Variants in PCDH9 observed in about 807,000 individuals in gnomAD.
The protein encoded by PCDH9 is protocadherin-9.
PCDH9 carries 24 observed loss-of-function variants against 70.6 expected under a neutral mutation model. The ratio of observed to expected loss-of-function variants is 0.34; its 90% confidence interval spans 0.25 to 0.48. PCDH9 has a LOEUF of 0.48. Ranked by LOEUF, PCDH9 falls within the 20% of genes least tolerant of loss-of-function variation. The pLI, the probability that PCDH9 is intolerant of heterozygous loss-of-function variation, is 0.99. For missense variants in PCDH9, 1,281 were observed against 1,503.6 expected (o/e 0.85, Z 2.45); for synonymous variants, 562 against 558.5 (o/e 1.01, Z -0.09).
At chr13:66,908,526 A>C (rs1424480594) in intron 2 of PCDH9, among the ~76,000 whole-genome samples, 1 of 152,222 alleles carries the variant, frequency 6.6e-6, no homozygotes, top group Admixed American at 6.5e-5. Flanking sequence ...TAAGATAAGA[A>C]AAGATCTCTT....
At chr13:66,848,671 G>C (rs2081254577) in intron 3 of PCDH9, among the ~76,000 whole-genome samples, 1 of 152,070 alleles carries the variant, frequency 6.6e-6, no homozygotes, top group African/African-American at 2.4e-5. Context: ...GCTTACACCT[G>C]TAATCCCAGC....
chr13:66,825,477 C>T (rs1677162501), intron 3 of PCDH9, among the ~76,000 whole-genome samples: 1 of 149,714 alleles, frequency 6.7e-6, no homozygotes, highest in African/African-American at 2.5e-5. Context: ...GCTGGGACTA[C>T]AGGCGCGCGC....
chr13:66,994,630 G>A (rs752098758), intron 2 of PCDH9, among the ~76,000 whole-genome samples: 1 of 152,226 alleles, frequency 6.6e-6, no homozygotes, highest in Admixed American at 6.5e-5. Flanking sequence ...AAATAGAGCT[G>A]AGCCTGTCCA....
intron 3 of PCDH9, among the ~76,000 whole-genome samples, chr13:66,659,267 C>A (rs2077973764): frequency 6.6e-6 from 1 of 152,178 alleles, no homozygotes; most frequent in Non-Finnish European, 1.5e-5. Context: ...AAATGTATCC[C>A]TAGCCTTAGA....
At chr13:66,596,483 T>A (rs1241976073) in intron 4 of PCDH9, among the ~76,000 whole-genome samples, 1 of 151,200 alleles carries the variant, frequency 6.6e-6, no homozygotes, top group Non-Finnish European at 1.5e-5. Context: ...CACCCATATA[T>A]GTGTAAATTT....
intron 4 of PCDH9, among the ~76,000 whole-genome samples, chr13:66,558,450 AG>A (rs1472517290): frequency 6.6e-5 from 10 of 151,986 alleles, no homozygotes; most frequent in African/African-American, 2.4e-4. Flanking sequence ...ATTTTTCTGA[AG>A]TCATTTTGCT....
chr13:67,062,088 C>T (rs1566398276), intron 2 of PCDH9, among the ~76,000 whole-genome samples: 2 of 152,112 alleles, frequency 1.3e-5, no homozygotes, highest in South Asian at 2.1e-4. Flanking sequence ...AGGCATGGGC[C>T]GAAGAAGTGC....
intron 2 of PCDH9, chr13:67,212,916 A>G (rs1395626433): frequency 1.3e-5 from 2 of 152,160 alleles, no homozygotes; most frequent in African/African-American, 2.4e-5. Flanking sequence ...TTACCTCTCC[A>G]TTATAAAAGC....
At chr13:66,517,245 T>C (rs543200199) in intron 4 of PCDH9, among the ~76,000 whole-genome samples, 1 of 152,304 alleles carries the variant, frequency 6.6e-6, no homozygotes, top group East Asian at 1.9e-4. Flanking sequence ...TTTGTCATTG[T>C]TCCAGGGACA....
At chr13:66,782,698 T>G (rs939469806) in intron 3 of PCDH9, 4 of 152,180 alleles carry the variant, frequency 2.6e-5, no homozygotes, top group Non-Finnish European at 4.4e-5. Flanking sequence ...AAATTAAAAT[T>G]ACAGGTGTGA....
At chr13:67,199,450 T>C (rs1040554791) in intron 2 of PCDH9, among the ~76,000 whole-genome samples, 2 of 152,100 alleles carry the variant, frequency 1.3e-5, no homozygotes, top group East Asian at 3.9e-4. Flanking sequence ...AGAATATTAA[T>C]ATCCAATTTA....
At chr13:67,108,068 T>C (rs2086583316) in intron 2 of PCDH9, among the ~76,000 whole-genome samples, 1 of 152,320 alleles carries the variant, frequency 6.6e-6, no homozygotes. Context: ...TGCCTGGCTA[T>C]GCACAGTGGC....
At chr13:66,452,646 C>T (rs964967098) in intron 4 of PCDH9, among the ~76,000 whole-genome samples, 1 of 152,038 alleles carries the variant, frequency 6.6e-6, no homozygotes, top group African/African-American at 2.4e-5. Context: ...AGTTCTATGA[C>T]ACCATTCTCC....
chr13:67,138,103 G>A (rs182713297), intron 2 of PCDH9, among the ~76,000 whole-genome samples: 7 of 152,026 alleles, frequency 4.6e-5, no homozygotes, highest in East Asian at 1.9e-4. Flanking sequence ...AAAATTCACC[G>A]ACTTCTATAT....
chr13:66,331,349 A>G (rs1465258618), intron 4 of PCDH9, among the ~76,000 whole-genome samples: 1 of 152,172 alleles, frequency 6.6e-6, no homozygotes, highest in Non-Finnish European at 1.5e-5. Context: ...AGGTTGGCCA[A>G]CACATACTGA....
intron 3 of PCDH9, among the ~76,000 whole-genome samples, chr13:66,677,990 G>A (rs2078267859): frequency 6.6e-6 from 1 of 151,986 alleles, no homozygotes; most frequent in South Asian, 2.1e-4. Context: ...AACAATTTCA[G>A]CTTTACTTAA....
intron 4 of PCDH9, among the ~76,000 whole-genome samples, chr13:66,356,963 G>A (rs1293767910): frequency 2.0e-5 from 3 of 151,948 alleles, no homozygotes; most frequent in East Asian, 1.9e-4. Flanking sequence ...AAGCAAGCCC[G>A]GCAATGCACT....
At chr13:66,448,992 A>C (rs1386902848) in intron 4 of PCDH9, among the ~76,000 whole-genome samples, 1 of 152,186 alleles carries the variant, frequency 6.6e-6, no homozygotes, top group South Asian at 2.1e-4. Flanking sequence ...TTCAGCCCCC[A>C]GCAGAAGTGA....
At chr13:66,906,525 G>A (rs1003621920) in intron 2 of PCDH9, among the ~76,000 whole-genome samples, 7 of 152,004 alleles carry the variant, frequency 4.6e-5, no homozygotes, top group African/African-American at 1.4e-4. Flanking sequence ...CAAAATGAGC[G>A]CATTTGGAAT....
Sources: gnomAD v4.1 joint callset for allele counts (sites outside exome capture counted in the v4.1 genomes callset) on GRCh38, gnomAD v4.1.1 for gene constraint, MANE v1.5 for transcripts, NCBI Gene and HGNC (gene_info 2026-07-23, HGNC 2026-07-21) for gene names.